RELCH: variants seen among roughly 807,000 people sequenced by gnomAD.
RELCH encodes the protein RAB11-binding protein RELCH.
Under a neutral mutation model 150.3 loss-of-function variants are expected in RELCH, and 41 were observed. The ratio of observed to expected loss-of-function variants is 0.27; its 90% CI spans 0.21 to 0.35. The LOEUF is 0.35. Ranked by LOEUF, RELCH falls within the 10% of genes least tolerant of loss-of-function variation. The pLI, the probability that RELCH is intolerant of heterozygous loss-of-function variation, is 1.00. For synonymous variants in RELCH, 478 were observed against 531.8 expected (o/e 0.90, Z 1.39); for missense variants, 1,092 against 1,467.8 (o/e 0.74, Z 4.18).
chr18:62,245,615 G>GA (rs1332841747), intron 11 of RELCH, among the ~76,000 whole-genome samples: 3 of 152,036 alleles, frequency 2.0e-5, no homozygotes, highest in Non-Finnish European at 4.4e-5. Flanking sequence ...AGACAAGAGT[G>GA]AAAGTCCGTC....
At position 62,309,750 on chromosome 18, in the gene RELCH, A is replaced by G. The variant is rs898706379; in HGVS notation, c.*4216A>G. On this transcript the variant is annotated 3_prime_UTR_variant, in exon 29 of 29. Transcript: ENST00000644646. ...TTACTATTTTAATTCCTTTTATTCC[A>G]TTACAGACTAATCCACCATATTTAT... 1 of 152,168 alleles carries G rather than the reference A, an allele frequency of 6.6e-6. No homozygotes were observed. Among genetic ancestry groups the G allele is most frequent in the African/African-American group, 2.4e-5 (1 of 41,434 alleles). 9.4% of individuals were successfully genotyped at this position (152,168 alleles called of 1,614,324 possible).
chr18:62,240,979 T>A (rs917376308), intron 10 of RELCH, among the ~76,000 whole-genome samples: 1 of 152,016 alleles, frequency 6.6e-6, no homozygotes, highest in Non-Finnish European at 1.5e-5. Flanking sequence ...TTCTTTATGG[T>A]CCAGGACACA....
chr18:62,260,832 T>G (rs12165095), intron 15 of RELCH, among the ~76,000 whole-genome samples: 10,327 of 151,980 alleles, frequency 0.068, 426 homozygotes, highest in Middle Eastern at 0.14. Context: ...AGACAAATAT[T>G]GAATGTTCTC....
intron 1 of RELCH, among the ~76,000 whole-genome samples, chr18:62,202,566 T>A (rs1161058722): frequency 6.6e-6 from 1 of 152,076 alleles, no homozygotes; most frequent in Non-Finnish European, 1.5e-5. Context: ...CTAGAAAAAA[T>A]TAGAAAATAT....
chr18:62,221,510 TTTG>T lies in RELCH; in HGVS notation c.858+16_858+18del, dbSNP rs762319475. 1 of 1,318,258 alleles carries T rather than the reference TTTG, an allele frequency of 7.6e-7. No homozygotes were observed. Among genetic ancestry groups the T allele is most frequent in the Admixed American group, 2.4e-5 (1 of 41,646 alleles). 81.7% of individuals were successfully genotyped at this position (1,318,258 alleles called of 1,614,324 possible). A position where few individuals can be genotyped will look rare whatever the true frequency, so the allele number is the denominator to read the frequency against. On this transcript the variant is annotated intron_variant, in intron 5 of 28. Coordinates refer to ENST00000644646, the MANE Select transcript of RELCH (RefSeq NM_001346231.2). Reference sequence around the variant, plus strand: ...AAACGATGATCAGGTAAAGTTACTTTTTGTTTTTACAGTGATTTTTTTCTACAC... The same window carrying T: ...AAACGATGATCAGGTAAAGTTACTTTTTTTTACAGTGATTTTTTTCTACAC...
At chr18:62,215,857 C>T (rs2040444634) in intron 2 of RELCH, among the ~76,000 whole-genome samples, 2 of 152,014 alleles carry the variant, frequency 1.3e-5, no homozygotes, top group Admixed American at 1.3e-4. Flanking sequence ...TCTTGTCTTT[C>T]TTATATGAAA....
At chr18:62,246,539 A>C (rs986317425) in intron 11 of RELCH, 1 of 152,242 alleles carries the variant, frequency 6.6e-6, no homozygotes, top group African/African-American at 2.4e-5. Context: ...TATAAACACT[A>C]AACATTTGTG....
At chr18:62,303,462 A>G (rs745656275) in intron 28 of RELCH, among the ~76,000 whole-genome samples, 8 of 152,182 alleles carry the variant, frequency 5.3e-5, no homozygotes, top group Non-Finnish European at 1.0e-4. Context: ...ACTCCTTAAC[A>G]TCATGGTTGG....
At chr18:62,298,995 G>A (rs1017687257) in intron 28 of RELCH, 135 bp downstream of exon 28, 30 of 576,202 alleles carry the variant, frequency 5.2e-5, no homozygotes, top group Admixed American at 1.8e-4. Flanking sequence ...AATGATTTAA[G>A]TCATTGGTTC....
chr18:62,187,730 G>T lies in RELCH; in HGVS notation c.225G>T (p.Ala75=). 1.2e-6 allele frequency: 2 copies of T among 1,609,040 alleles called. No individual in the cohort carries two copies. The highest frequency in any genetic ancestry group is 1.7e-6 in the Non-Finnish European group (2 of 1,176,630). Residue 75 remains alanine (A), a synonymous_variant, in exon 1 of 29, where the codon GCG becomes GCT. Transcript: ENST00000644646. ...SSARPGLPGE[A]SAAAVALGGT... The stretch of plus-strand genomic sequence containing the variant: ...CGCGGCCAGGGCTCCCTGGGGAGGC[G>T]TCGGCGGCTGCAGTGGCCCTGGGGG...
chr18:62,188,113 C>G, intron 1 of RELCH, 82 bp downstream of exon 1: 1 of 1,396,110 alleles, frequency 7.2e-7, no homozygotes, highest in Non-Finnish European at 9.4e-7. Context: ...GGTATTTCTG[C>G]GTGGGTCCCG....
Position 62,187,284 on chromosome 18 carries a change from C to G in RELCH, c.-222C>G, listed in dbSNP as rs1245770024. On this transcript the variant is annotated 5_prime_UTR_variant, in exon 1 of 29. Coordinates refer to ENST00000644646, the MANE Select transcript of RELCH (RefSeq NM_001346231.2). ...CTCGCGAGACTGGAGACCAGGAAGA[C>G]GCCTGCAGAGCCGGGCTGCTGGTGC... is the stretch of plus-strand genomic sequence containing the variant. 5.4e-6 allele frequency: 2 copies of G among 369,714 alleles called. No homozygotes were observed. The highest frequency in any genetic ancestry group is 4.4e-5 in the Admixed American group (1 of 22,590). The allele number at this position is 369,714 out of a possible 1,614,324, so 22.9% of individuals were successfully genotyped here. A position where few individuals can be genotyped will look rare whatever the true frequency, so the allele number is the denominator to read the frequency against.
intron 26 of RELCH, among the ~76,000 whole-genome samples, chr18:62,290,504 C>T (rs1032925953): frequency 6.6e-6 from 1 of 152,118 alleles, no homozygotes; most frequent in Admixed American, 6.5e-5. Flanking sequence ...GCACTCCAGC[C>T]TGCGTGAGAA....
At chr18:62,252,922 C>T (rs1319261397) in intron 12 of RELCH, among the ~76,000 whole-genome samples, 168 bp downstream of exon 12, 1 of 152,192 alleles carries the variant, frequency 6.6e-6, no homozygotes, top group African/African-American at 2.4e-5. Context: ...CTCTGGGGTG[C>T]TTTCCTTTAT....
At chr18:62,282,689 G>T (rs937135675) in intron 25 of RELCH, among the ~76,000 whole-genome samples, 1 of 152,048 alleles carries the variant, frequency 6.6e-6, no homozygotes, top group Non-Finnish European at 1.5e-5. Flanking sequence ...ACAGAGTCTC[G>T]CTCTGTCACC....
At chr18:62,222,455 T>C (rs2040938997) in intron 5 of RELCH, among the ~76,000 whole-genome samples, 1 of 151,742 alleles carries the variant, frequency 6.6e-6, no homozygotes, top group Admixed American at 6.6e-5. Flanking sequence ...TTTGAATATG[T>C]GAGAAACATT....
intron 1 of RELCH, among the ~76,000 whole-genome samples, chr18:62,188,646 G>A (rs767476230): frequency 2.0e-5 from 3 of 152,228 alleles, no homozygotes; most frequent in Non-Finnish European, 2.9e-5. Context: ...AATCCAAGGA[G>A]CAAGGCAGAC....
chr18:62,292,655 A>T (rs1035166732), intron 27 of RELCH, among the ~76,000 whole-genome samples: 2 of 152,182 alleles, frequency 1.3e-5, no homozygotes, highest in Non-Finnish European at 2.9e-5. Flanking sequence ...CTCAACCAGA[A>T]TTACTGTCTG....
intron 26 of RELCH, among the ~76,000 whole-genome samples, chr18:62,289,340 A>G (rs546155988): frequency 4.3e-4 from 65 of 152,294 alleles, no homozygotes; most frequent in Non-Finnish European, 8.7e-4. Flanking sequence ...GTTCCATTGT[A>G]TTCTAAGCTG....
Sources: gnomAD v4.1 joint callset for allele counts (sites outside exome capture counted in the v4.1 genomes callset) on GRCh38, gnomAD v4.1.1 for gene constraint, MANE v1.5 for transcripts, NCBI Gene and HGNC (gene_info 2026-07-23, HGNC 2026-07-21) for gene names.